The following CNTNAP2 variants were observed in gnomAD, a reference collection of about 807,000 sequenced individuals.
The protein encoded by CNTNAP2 is contactin associated protein 2, also known as contactin-associated protein-like 2.
Under a neutral mutation model 155.2 loss-of-function variants are expected in CNTNAP2, and 98 were observed. That is an observed-to-expected ratio of 0.63 (90% CI 0.54 to 0.75). The LOEUF (loss-of-function observed/expected upper bound fraction) is 0.75, where lower values mean the gene tolerates loss of function less well. Among genes scored for constraint, CNTNAP2 ranks in the 30% least tolerant of loss-of-function variants. The pLI is 0.00. For synonymous variants in CNTNAP2, 651 were observed against 631.2 expected (o/e 1.03, Z -0.47); for missense variants, 1,727 against 1,688.1 (o/e 1.02, Z -0.40).
chr7:147,345,326 T>G (rs904097546), intron 9 of CNTNAP2, among the ~76,000 whole-genome samples: 1 of 152,198 alleles, frequency 6.6e-6, no homozygotes, highest in African/African-American at 2.4e-5. Flanking sequence ...GTTTTAAAAC[T>G]TTATAACTTT....
intron 13 of CNTNAP2, among the ~76,000 whole-genome samples, chr7:147,806,264 G>A (rs926770808): frequency 6.6e-6 from 1 of 152,008 alleles, no homozygotes; most frequent in African/African-American, 2.4e-5. Context: ...AATAATCAGA[G>A]CAAGACAAAT....
chr7:147,179,292 T>C (rs1802409884), intron 8 of CNTNAP2, among the ~76,000 whole-genome samples: 1 of 152,112 alleles, frequency 6.6e-6, no homozygotes, highest in Non-Finnish European at 1.5e-5. Context: ...GTATATGCGA[T>C]AAAGAAAAGT....
chr7:147,648,963 AC>A (rs1388670946), intron 13 of CNTNAP2, among the ~76,000 whole-genome samples: 1 of 152,104 alleles, frequency 6.6e-6, no homozygotes, highest in Non-Finnish European at 1.5e-5. Flanking sequence ...AATTGTACCC[AC>A]CCTCATCTCT....
chr7:146,275,577 G>A (rs1336356469), intron 1 of CNTNAP2, among the ~76,000 whole-genome samples: 1 of 152,138 alleles, frequency 6.6e-6, no homozygotes, highest in African/African-American at 2.4e-5. Flanking sequence ...ACATGTGTGT[G>A]GGGTGTGTTC....
intron 14 of CNTNAP2, among the ~76,000 whole-genome samples, chr7:147,924,722 A>G (rs1442693560): frequency 6.6e-6 from 1 of 152,108 alleles, no homozygotes; most frequent in East Asian, 1.9e-4. Context: ...GAAAGGTGAA[A>G]GATGTAAGCC....
chr7:148,284,138 A>G (rs1048543266), intron 21 of CNTNAP2, among the ~76,000 whole-genome samples: 4 of 152,234 alleles, frequency 2.6e-5, no homozygotes, highest in Non-Finnish European at 5.9e-5. Context: ...TTCCACAGCT[A>G]TTATCACACA....
At chr7:146,751,453 G>A (rs1381544874) in intron 1 of CNTNAP2, among the ~76,000 whole-genome samples, 1 of 152,018 alleles carries the variant, frequency 6.6e-6, no homozygotes, top group Non-Finnish European at 1.5e-5. Context: ...ACTGAGTCTG[G>A]CACATTTCTG....
intron 1 of CNTNAP2, among the ~76,000 whole-genome samples, chr7:146,248,285 C>T (rs1381700356): frequency 1.3e-5 from 2 of 151,862 alleles, no homozygotes; most frequent in Non-Finnish European, 2.9e-5. Context: ...GGGTTTCTTG[C>T]CCCCCAGAAA....
chr7:148,231,440 T>C (rs1353513933), intron 20 of CNTNAP2, among the ~76,000 whole-genome samples: 12 of 152,208 alleles, frequency 7.9e-5, no homozygotes, highest in African/African-American at 2.9e-4. Context: ...CATAGAATTA[T>C]AGAATTTGAA....
At chr7:148,334,997 C>A (rs1798094183) in intron 21 of CNTNAP2, among the ~76,000 whole-genome samples, 1 of 152,212 alleles carries the variant, frequency 6.6e-6, no homozygotes, top group African/African-American at 2.4e-5. Flanking sequence ...AGATGAGGCA[C>A]CTGGAGCCAG....
intron 5 of CNTNAP2, among the ~76,000 whole-genome samples, chr7:147,117,796 C>A (rs1801018924): frequency 6.6e-6 from 1 of 151,990 alleles, no homozygotes; most frequent in African/African-American, 2.4e-5. Flanking sequence ...GATACATTAC[C>A]TTAAAGATGT....
intron 7 of CNTNAP2, among the ~76,000 whole-genome samples, chr7:147,130,369 T>C (rs909053511): frequency 6.6e-6 from 1 of 152,038 alleles, no homozygotes; most frequent in Non-Finnish European, 1.5e-5. Context: ...GGAGGATCAC[T>C]TGAGCCCACA....
chr7:146,557,058 C>T (rs935679795), intron 1 of CNTNAP2, among the ~76,000 whole-genome samples: 3 of 152,062 alleles, frequency 2.0e-5, no homozygotes, highest in Admixed American at 6.5e-5. Flanking sequence ...AAACAGATTT[C>T]CAAGCAACAT....
chr7:147,689,787 A>T (rs1796063030), intron 13 of CNTNAP2, among the ~76,000 whole-genome samples: 1 of 152,046 alleles, frequency 6.6e-6, no homozygotes, highest in Non-Finnish European at 1.5e-5. Flanking sequence ...TAGAGTCAGG[A>T]TTTGAAGTAG....
chr7:146,816,892 G>A (rs1396069339), intron 2 of CNTNAP2, among the ~76,000 whole-genome samples: 5 of 152,164 alleles, frequency 3.3e-5, no homozygotes, highest in Non-Finnish European at 7.3e-5. Context: ...CTGTTTCAAG[G>A]ATTAGCTGAG....
chr7:146,323,512 C>A (rs182593271), intron 1 of CNTNAP2, among the ~76,000 whole-genome samples: 194 of 152,122 alleles, frequency 1.3e-3, no homozygotes, highest in Non-Finnish European at 2.3e-3. Context: ...TCAAAACAAA[C>A]AAAACTGTGA....
intron 1 of CNTNAP2, among the ~76,000 whole-genome samples, chr7:146,643,479 G>A (rs1048269616): frequency 6.6e-6 from 1 of 152,216 alleles, no homozygotes; most frequent in African/African-American, 2.4e-5. Context: ...TAGATATGCA[G>A]CGTTATTTCT....
At chr7:146,157,457 C>T (rs1798144522) in intron 1 of CNTNAP2, among the ~76,000 whole-genome samples, 1 of 152,030 alleles carries the variant, frequency 6.6e-6, no homozygotes, top group African/African-American at 2.4e-5. Context: ...TTGGGAAGCA[C>T]AAGGGGTCAA....
chr7:147,981,057 T>C (rs574811478), intron 15 of CNTNAP2, among the ~76,000 whole-genome samples: 5 of 152,278 alleles, frequency 3.3e-5, no homozygotes, highest in African/African-American at 9.6e-5. Context: ...CACAGCCTCC[T>C]GTGAATTGGG....
Sources: gnomAD v4.1 joint callset for allele counts (sites outside exome capture counted in the v4.1 genomes callset) on GRCh38, gnomAD v4.1.1 for gene constraint, MANE v1.5 for transcripts, NCBI Gene and HGNC (gene_info 2026-07-23, HGNC 2026-07-21) for gene names.